CDYL: variants seen among roughly 807,000 people sequenced by gnomAD.
The protein encoded by CDYL is chromodomain Y-like protein.
A neutral mutation model predicts 47.3 loss-of-function variants in CDYL; 8 were observed. The ratio of observed to expected loss-of-function variants is 0.17; its 90% CI spans 0.10 to 0.31. The LOEUF (loss-of-function observed/expected upper bound fraction) is 0.31. Among genes scored for constraint, CDYL ranks in the 10% least tolerant of loss-of-function variants. CDYL has a pLI of 1.00. For synonymous variants in CDYL, 266 were observed against 265.0 expected (o/e 1.00, Z -0.04); for missense variants, 471 against 701.4 (o/e 0.67, Z 3.71).
intron 1 of CDYL, among the ~76,000 whole-genome samples, chr6:4,785,778 G>A (rs999121175): frequency 1.3e-5 from 2 of 152,186 alleles, no homozygotes; most frequent in African/African-American, 4.8e-5. Context: ...GACTTGACTG[G>A]CACCTTTAGC....
chr6:4,753,582 T>C (rs1192014842), intron 3 of CDYL, among the ~76,000 whole-genome samples: 3 of 152,226 alleles, frequency 2.0e-5, no homozygotes, highest in African/African-American at 7.2e-5. Context: ...TGTATTTGGA[T>C]CCCAGGTATT....
At chr6:4,952,242 T>C in intron 5 of CDYL, 24 bp from the exon 6 acceptor site, 1 of 1,608,438 alleles carries the variant, frequency 6.2e-7, no homozygotes, top group Non-Finnish European at 8.5e-7. Flanking sequence ...CAATTCATAT[T>C]ACATCCACTC....
chr6:4,820,344 C>G (rs570539235), intron 1 of CDYL, among the ~76,000 whole-genome samples: 17 of 152,314 alleles, frequency 1.1e-4, no homozygotes, highest in African/African-American at 3.8e-4. Context: ...AAGACAGCTT[C>G]CCTGATGTTA....
chr6:4,952,136 A>C (rs531545796), intron 5 of CDYL, 130 bp from the exon 6 acceptor site: 2 of 1,026,912 alleles, frequency 1.9e-6, no homozygotes, highest in African/African-American at 3.2e-5. Flanking sequence ...CGGCCCCTAG[A>C]GGATGTGCCC....
intron 2 of CDYL, among the ~76,000 whole-genome samples, chr6:4,922,258 TCTGTGTCTC>T (rs1226088731): frequency 1.3e-5 from 2 of 152,120 alleles, no homozygotes; most frequent in African/African-American, 2.4e-5. Context: ...TGCCTCAGTA[TCTGTGTCTC>T]TGACCTCCTG....
At chr6:4,835,460 G>A (rs1760271686) in intron 1 of CDYL, among the ~76,000 whole-genome samples, 1 of 152,212 alleles carries the variant, frequency 6.6e-6, no homozygotes, top group Admixed American at 6.5e-5. Context: ...ACCCGGCCAT[G>A]TGAGATGTCA....
chr6:4,928,062 A>T (rs984074508), intron 2 of CDYL, among the ~76,000 whole-genome samples: 49 of 152,330 alleles, frequency 3.2e-4, no homozygotes, highest in Non-Finnish European at 3.5e-4. Flanking sequence ...CTTTTCGTGT[A>T]GATTTGTAAT....
chr6:4,779,568 T>A (rs1435807523), intron 1 of CDYL, among the ~76,000 whole-genome samples: 1 of 152,208 alleles, frequency 6.6e-6, no homozygotes, highest in Non-Finnish European at 1.5e-5. Flanking sequence ...GAACAGATCC[T>A]GGAAAAGATG....
chr6:4,924,664 A>G (rs1275377336), intron 2 of CDYL, among the ~76,000 whole-genome samples: 1 of 152,224 alleles, frequency 6.6e-6, no homozygotes, highest in Admixed American at 6.5e-5. Context: ...CCAGGTCTAA[A>G]ACATGGCTGT....
rs1757496035 is a variant in CDYL, at chr6:4,914,333, G to A, written c.692-21182G>A. ...TACGGCTCCGTGCTTTTCTCATGGG[G>A]GTGGCACGTCCTCTCCTCTGTGCCT... On this transcript the variant is annotated intron_variant, in intron 2 of 6. Transcript: ENST00000397588. Among the ~76,000 whole-genome samples the A allele has an allele frequency of 2.0e-5, 3 of 152,072 alleles. No individual in the cohort carries two copies. The South Asian group carries it at 6.2e-4, about 32-fold the overall frequency.
intron 1 of CDYL, among the ~76,000 whole-genome samples, chr6:4,817,894 TG>T (rs1233247440): frequency 1.3e-5 from 2 of 152,252 alleles, no homozygotes; most frequent in Non-Finnish European, 2.9e-5. Context: ...TCTTGTTTTG[TG>T]GCTACAACTA....
At chr6:4,744,406 G>A (rs571790129) in intron 3 of CDYL, among the ~76,000 whole-genome samples, 2 of 152,224 alleles carry the variant, frequency 1.3e-5, no homozygotes, top group Admixed American at 1.3e-4. Flanking sequence ...GAGGCAGGAG[G>A]ATTGCTTGAG....
chr6:4,865,051 G>A (rs2127470286), intron 1 of CDYL, among the ~76,000 whole-genome samples: 1 of 152,200 alleles, frequency 6.6e-6, no homozygotes, highest in Middle Eastern at 3.4e-3. Flanking sequence ...GGTTCTCTTT[G>A]CCCCCTTGCC....
intron 1 of CDYL, among the ~76,000 whole-genome samples, chr6:4,797,595 C>T (rs750348337): frequency 6.6e-6 from 1 of 152,182 alleles, no homozygotes; most frequent in Non-Finnish European, 1.5e-5. Context: ...CATTAGCTGT[C>T]AATTCCCATC....
At chr6:4,927,112 G>T (rs1202078344) in intron 2 of CDYL, among the ~76,000 whole-genome samples, 1 of 152,196 alleles carries the variant, frequency 6.6e-6, no homozygotes, top group Non-Finnish European at 1.5e-5. Context: ...ATGAAGTTTA[G>T]GGCTTTTGGC....
chr6:4,806,484 A>G (rs903165269), intron 1 of CDYL, among the ~76,000 whole-genome samples: 2 of 152,220 alleles, frequency 1.3e-5, no homozygotes, highest in African/African-American at 4.8e-5. Context: ...TGTAAAAATG[A>G]TACAGCATTC....
chr6:4,840,052 A>C (rs1169203224), intron 1 of CDYL, among the ~76,000 whole-genome samples: 1 of 152,140 alleles, frequency 6.6e-6, no homozygotes, highest in Non-Finnish European at 1.5e-5. Flanking sequence ...CTCCATGGGC[A>C]TGGGATGTGT....
chr6:4,910,359 A>G (rs1757374387), intron 2 of CDYL, among the ~76,000 whole-genome samples: 1 of 152,174 alleles, frequency 6.6e-6, no homozygotes, highest in Non-Finnish European at 1.5e-5. Flanking sequence ...CTGTGGTTTT[A>G]TGGCCAGAAG....
intron 5 of CDYL, among the ~76,000 whole-genome samples, chr6:4,944,328 A>G (rs948490015): frequency 5.9e-5 from 9 of 152,218 alleles, no homozygotes; most frequent in African/African-American, 2.2e-4. Flanking sequence ...GTGGAGAATT[A>G]GCAGGTAGTC....
Sources: gnomAD v4.1 joint callset for allele counts (sites outside exome capture counted in the v4.1 genomes callset) on GRCh38, gnomAD v4.1.1 for gene constraint, MANE v1.5 for transcripts, NCBI Gene and HGNC (gene_info 2026-07-23, HGNC 2026-07-21) for gene names.